CSMD1: variants seen among roughly 807,000 people sequenced by gnomAD.
The protein encoded by CSMD1 is CUB and Sushi multiple domains 1, also known as CUB and sushi domain-containing protein 1.
CSMD1 carries 213 observed loss-of-function variants against 417.5 expected under a neutral mutation model. The ratio of observed to expected loss-of-function variants is 0.51; its 90% CI spans 0.46 to 0.57. The LOEUF (loss-of-function observed/expected upper bound fraction) is 0.57. CSMD1 is among the 20% of genes least tolerant of loss of function. The probability of loss-of-function intolerance (pLI) is 0.00; values close to 1 mark genes in which losing one functional copy is unlikely to be tolerated. For synonymous variants in CSMD1, 2,862 were observed against 1,736.8 expected (o/e 1.65, Z -16.11); for missense variants, 6,923 against 4,529.7 (o/e 1.53, Z -15.17).
chr8:3,823,705 C>G (rs1281089255), intron 5 of CSMD1, among the ~76,000 whole-genome samples: 3 of 152,076 alleles, frequency 2.0e-5, no homozygotes, highest in Non-Finnish European at 4.4e-5. Context: ...AACCATTTAA[C>G]TTACGCTTGA....
chr8:4,107,010 G>C (rs781086356), intron 3 of CSMD1, among the ~76,000 whole-genome samples: 4 of 152,180 alleles, frequency 2.6e-5, no homozygotes, highest in African/African-American at 7.2e-5. Context: ...ACTAACAGGA[G>C]AGAAAATTGT....
intron 5 of CSMD1, among the ~76,000 whole-genome samples, chr8:3,839,240 T>G (rs1315139230): frequency 8.0e-6 from 1 of 125,170 alleles, no homozygotes; most frequent in Admixed American, 1.0e-4. Context: ...TAATTATATA[T>G]ACTATTAATA....
At chr8:3,153,357 C>T (rs1327287792) in intron 39 of CSMD1, among the ~76,000 whole-genome samples, 1 of 152,198 alleles carries the variant, frequency 6.6e-6, no homozygotes, top group Non-Finnish European at 1.5e-5. Flanking sequence ...GCTGCTCTGT[C>T]TATGGAGTAA....
intron 3 of CSMD1, among the ~76,000 whole-genome samples, chr8:4,129,233 C>G (rs1180824022): frequency 6.6e-6 from 1 of 152,128 alleles, no homozygotes; most frequent in Non-Finnish European, 1.5e-5. Context: ...CTATCAATTT[C>G]CTCTTCTGAG....
intron 7 of CSMD1, among the ~76,000 whole-genome samples, chr8:3,676,161 C>T (rs573325401): frequency 1.3e-5 from 2 of 152,148 alleles, no homozygotes; most frequent in South Asian, 4.1e-4. Context: ...TGTTTATTTT[C>T]TTCTGCTCAA....
chr8:4,645,579 A>C (rs1482888686), intron 1 of CSMD1, among the ~76,000 whole-genome samples: 1 of 151,672 alleles, frequency 6.6e-6, no homozygotes, highest in Non-Finnish European at 1.5e-5. Flanking sequence ...CCCAGTTTCC[A>C]CAGGTGCGGG....
intron 1 of CSMD1, among the ~76,000 whole-genome samples, chr8:4,801,188 C>A (rs1040843635): frequency 6.6e-6 from 1 of 152,212 alleles, no homozygotes. Flanking sequence ...GTGCCCTTTT[C>A]CTACTTCTGG....
chr8:4,240,773 T>C (rs866968153), intron 3 of CSMD1, among the ~76,000 whole-genome samples: 12 of 152,310 alleles, frequency 7.9e-5, no homozygotes, highest in Non-Finnish European at 1.5e-4. Context: ...TTTTTTCTTA[T>C]AATAAAAGTG....
chr8:4,714,787 T>C (rs1410761071), intron 1 of CSMD1, among the ~76,000 whole-genome samples: 1 of 152,130 alleles, frequency 6.6e-6, no homozygotes, highest in African/African-American at 2.4e-5. Context: ...TTAGGAAAAA[T>C]TTGGGATTAA....
At chr8:4,052,196 G>T (rs1585211265) in intron 3 of CSMD1, among the ~76,000 whole-genome samples, 1 of 152,016 alleles carries the variant, frequency 6.6e-6, no homozygotes, top group Admixed American at 6.6e-5. Flanking sequence ...AAGTGCTGGG[G>T]TTACAGGCAT....
chr8:4,137,298 G>C (rs181248179), intron 3 of CSMD1, among the ~76,000 whole-genome samples: 9 of 152,288 alleles, frequency 5.9e-5, no homozygotes, highest in African/African-American at 2.2e-4. Flanking sequence ...AATCAAAATA[G>C]GACGTGTCAG....
chr8:3,188,064 GTATA>G lies in CSMD1; in HGVS notation c.5524-103_5524-100del, dbSNP rs970450736. On this transcript the variant is annotated intron_variant, in intron 35 of 69. Transcript: ENST00000635120. ...GGTTTTTCATGATTAAGGTGTATAT[GTATA>G]TATATATACATATGTATATGTATAT... 2,426 of 512,276 alleles carry G rather than the reference GTATA, an allele frequency of 4.7e-3. 57 individuals carry two copies. Among genetic ancestry groups the G allele is most frequent in the African/African-American group, 0.042 (2,057 of 48,830 alleles). 31.7% of individuals were successfully genotyped at this position (512,276 alleles called of 1,614,324 possible). A position where few individuals can be genotyped will look rare whatever the true frequency, so the allele number is the denominator to read the frequency against.
chr8:3,912,532 G>A (rs547454415), intron 5 of CSMD1, among the ~76,000 whole-genome samples: 1 of 152,292 alleles, frequency 6.6e-6, no homozygotes, highest in South Asian at 2.1e-4. Flanking sequence ...AACAGAGGGG[G>A]CTGGTTAATC....
chr8:4,732,535 T>G (rs13255293), intron 1 of CSMD1, among the ~76,000 whole-genome samples: 1 of 151,822 alleles, frequency 6.6e-6, no homozygotes, highest in Non-Finnish European at 1.5e-5. Context: ...AGTCTTGCAA[T>G]GCAATTGAAT....
chr8:3,004,229 G>T (rs1468990335), intron 52 of CSMD1, among the ~76,000 whole-genome samples: 1 of 152,128 alleles, frequency 6.6e-6, no homozygotes, highest in African/African-American at 2.4e-5. Flanking sequence ...GATTTGTCTT[G>T]ATTTTGCAGA....
At position 4,469,812 on chromosome 8, in the gene CSMD1, G is replaced by T. The variant is rs188418015; in HGVS notation, c.303-49747C>A. ...TCTGCTTACAGCCTTCTCACGGAGG[G>T]AACCCAAAGTCCTTAAAATGACTCG... On this transcript the variant is annotated intron_variant, in intron 2 of 69. Transcript: ENST00000635120. Among the ~76,000 whole-genome samples, 7 of 152,062 alleles carry T rather than the reference G, an allele frequency of 4.6e-5. No individual in the cohort carries two copies. In the East Asian group the frequency reaches 1.4e-3, roughly 30 times the overall value.
At chr8:4,377,929 A>T (rs1042799012) in intron 3 of CSMD1, among the ~76,000 whole-genome samples, 1 of 152,238 alleles carries the variant, frequency 6.6e-6, no homozygotes, top group East Asian at 1.9e-4. Flanking sequence ...GGAGGTACTT[A>T]ACAAATGGCC....
At chr8:2,954,564 G>C (rs979576413) in intron 64 of CSMD1, among the ~76,000 whole-genome samples, 3 of 151,996 alleles carry the variant, frequency 2.0e-5, no homozygotes, top group Non-Finnish European at 4.4e-5. Flanking sequence ...GACATTTCTT[G>C]TATCCTGTTT....
chr8:3,425,968 A>G (rs1813812067), intron 12 of CSMD1, among the ~76,000 whole-genome samples: 1 of 152,224 alleles, frequency 6.6e-6, no homozygotes, highest in Non-Finnish European at 1.5e-5. Flanking sequence ...ATCTCAAGTA[A>G]AATGTGTCTC....
Sources: allele counts gnomAD v4.1 joint callset (sites outside exome capture counted in the v4.1 genomes callset), GRCh38; gene constraint gnomAD v4.1.1; transcripts MANE v1.5; gene names NCBI Gene and HGNC (gene_info 2026-07-23, HGNC 2026-07-21).